AP3B2: variants seen among roughly 807,000 people sequenced by gnomAD.
AP3B2 encodes the protein adaptor related protein complex 3 subunit beta 2.
AP3B2 carries 50 observed loss-of-function variants against 126.9 expected under a neutral mutation model. The observed-to-expected ratio is 0.39, with a 90% CI of 0.31 to 0.50. The LOEUF (loss-of-function observed/expected upper bound fraction) is 0.50, where lower values mean the gene tolerates loss of function less well. Among genes scored for constraint, AP3B2 ranks in the 20% least tolerant of loss-of-function variants. The pLI, the probability that AP3B2 is intolerant of heterozygous loss-of-function variation, is 0.79. For missense variants in AP3B2, 1,177 were observed against 1,426.4 expected (o/e 0.83, Z 2.82); for synonymous variants, 541 against 565.0 (o/e 0.96, Z 0.60).
chr15:82,684,399 T>A (rs936519590), intron 4 of AP3B2, among the ~76,000 whole-genome samples: 1 of 152,206 alleles, frequency 6.6e-6, no homozygotes, highest in African/African-American at 2.4e-5. Flanking sequence ...CTAGCTTCCG[T>A]CTTTTCTTCT....
Position 82,704,149 on chromosome 15 carries a change from A to G in AP3B2, c.113+5445T>C, listed in dbSNP as rs1301994746. 2.0e-5 allele frequency among the ~76,000 whole-genome samples: 3 copies of G among 152,156 alleles called. No homozygotes were observed. The South Asian group carries it at 6.2e-4, about 32-fold the overall frequency. On this transcript the variant is annotated intron_variant, in intron 1 of 26. Transcript: ENST00000535359. ...TAGTATTTAGGCTCTTTTTCATCAA[A>G]TATAAAAACCCAGCCCAGTTCATGG...
In AP3B2 at chr15:82,680,465, A is replaced by G. The variant is rs1238526564; in HGVS notation, c.1055+7T>C. The G allele has an allele frequency of 4.0e-6, 6 of 1,486,230 alleles. No individual in the cohort carries two copies. Among genetic ancestry groups the G allele is most frequent in the African/African-American group, 2.8e-5 (2 of 70,972 alleles). 92.1% of individuals were successfully genotyped at this position (1,486,230 alleles called of 1,614,324 possible). A position where few individuals can be genotyped will look rare whatever the true frequency, so the allele number is the denominator to read the frequency against. On this transcript the variant is annotated splice_region_variant and intron_variant, in intron 8 of 26. Transcript: ENST00000535359. This position sits in a 1 kb window ranked among gnomAD's most constrained non-coding sequence, Gnocchi z 6.1. ...AGGGAGGGGGCGGGGCTGGGGGCGGAGCGCACCTGTGGCTGCGCAGCAGGC... is the reference window on the plus strand; with the variant it reads ...AGGGAGGGGGCGGGGCTGGGGGCGGGGCGCACCTGTGGCTGCGCAGCAGGC...
intron 1 of AP3B2, among the ~76,000 whole-genome samples, chr15:82,702,849 T>C (rs2048740893): frequency 6.6e-6 from 1 of 152,168 alleles, no homozygotes; most frequent in Non-Finnish European, 1.5e-5. Flanking sequence ...CTTTGCTTCA[T>C]GATAAAGATC....
chr15:82,678,544 A>C (rs2048280823), intron 10 of AP3B2, among the ~76,000 whole-genome samples: 1 of 151,984 alleles, frequency 6.6e-6, no homozygotes, highest in Admixed American at 6.6e-5. Context: ...TCCAGGCCCC[A>C]ATCCCACTCC....
Position 82,665,574 on chromosome 15 carries a change from G to C in AP3B2, c.1854C>G (p.Asp618Glu). 1 of 1,611,676 alleles carries C rather than the reference G, an allele frequency of 6.2e-7. No homozygotes were observed. ...GTGAGCCCAGCTGGAAGTGGTCCCG[G>C]TCTAGGGATAGGTTTAGAGGTCAGG... ...PAPVLESSFK[D>E]RDHFQLGSLS... Residue 618 changes from aspartate (D) to glutamate (E), a missense_variant and splice_region_variant, in exon 16 of 27, where the codon GAC becomes GAG. Physicochemically the swap from Asp to Glu is conservative, Grantham distance 45 (BLOSUM62 2). This residue lies in a region of AP3B2 where 308 missense variants were observed against 452.4 expected (regional missense o/e 0.68). Transcript: ENST00000535359. This position sits in a 1 kb window ranked among gnomAD's most constrained non-coding sequence, Gnocchi z 4.4.
chr15:82,680,024 T>C lies in AP3B2; in HGVS notation c.1110+151A>G, dbSNP rs1376509917. 1 of 1,160,108 alleles carries C rather than the reference T, an allele frequency of 8.6e-7. No individual in the cohort carries two copies. Among genetic ancestry groups the C allele is most frequent in the African/African-American group, 1.5e-5 (1 of 65,766 alleles). The allele number at this position is 1,160,108 out of a possible 1,614,324, so 71.9% of individuals were successfully genotyped here. A position where few individuals can be genotyped will look rare whatever the true frequency, so the allele number is the denominator to read the frequency against. ...GGATCCAGGCCCTGCTCCCTATCTG[T>C]ATTTGGAGCCTCCCCTGCCCCATCC... On this transcript the variant is annotated intron_variant, in intron 9 of 26. Coordinates refer to ENST00000535359, the MANE Select transcript of AP3B2 (RefSeq NM_001278512.2). This position sits in a 1 kb window ranked among gnomAD's most constrained non-coding sequence, Gnocchi z 6.1.
At position 82,664,679 on chromosome 15, in the gene AP3B2, A is replaced by T. The variant is rs1178756649; in HGVS notation, c.2137+156T>A. On this transcript the variant is annotated intron_variant, in intron 18 of 26. Coordinates refer to ENST00000535359, the MANE Select transcript of AP3B2 (RefSeq NM_001278512.2). This position sits in a 1 kb window ranked among gnomAD's most constrained non-coding sequence, Gnocchi z 4.5. Reference sequence around the variant, plus strand: ...TCCATGGATAGAAACCTGCACAAGCACACACACCTGGAACATGAATCCCTC... The same window carrying T: ...TCCATGGATAGAAACCTGCACAAGCTCACACACCTGGAACATGAATCCCTC... Among the ~76,000 whole-genome samples the T allele has an allele frequency of 6.6e-6, 1 of 152,198 alleles. No homozygotes were observed. The highest frequency in any genetic ancestry group is 1.5e-5 in the Non-Finnish European group (1 of 68,038).
At chr15:82,689,357 G>A (rs200531056) in intron 2 of AP3B2, 21 bp downstream of exon 2, 6 of 1,613,480 alleles carry the variant, frequency 3.7e-6, no homozygotes, top group East Asian at 4.5e-5. Context: ...CCGGAGGGAG[G>A]CCTCCTCCTT....
rs553020512 is a variant in AP3B2 at position 82,659,797 on chromosome 15, A to G, written c.3155+48T>C. 2.1e-5 allele frequency: 34 copies of G among 1,609,584 alleles called. No individual in the cohort carries two copies. In the African/African-American group the frequency reaches 2.4e-4, roughly 11 times the overall value. ...TCAGCAGCTGGGGCTCCTCCTTCAA[A>G]CCAGGGCCCCCATGCTCATCATTTC... is the stretch of plus-strand genomic sequence containing the variant. On this transcript the variant is annotated intron_variant, in intron 26 of 26. Coordinates refer to ENST00000535359, the MANE Select transcript of AP3B2 (RefSeq NM_001278512.2).
intron 1 of AP3B2, among the ~76,000 whole-genome samples, chr15:82,705,734 C>T (rs916498178): frequency 2.0e-5 from 3 of 152,166 alleles, no homozygotes; most frequent in African/African-American, 2.4e-5. Context: ...TGATCATGTC[C>T]GGCTAATCTC....
chr15:82,669,478 G>T (rs753384813), intron 14 of AP3B2, among the ~76,000 whole-genome samples: 7 of 152,090 alleles, frequency 4.6e-5, no homozygotes, highest in African/African-American at 7.2e-5. Context: ...CAGATCGTGA[G>T]ATCAAGAGAT....
In AP3B2 at chr15:82,663,613, C is replaced by T; in HGVS notation, c.2444G>A (p.Ser815Asn). The T allele has an allele frequency of 1.2e-6, 2 of 1,613,888 alleles. No homozygotes were observed. Among genetic ancestry groups the T allele is most frequent in the Non-Finnish European group, 8.5e-7 (1 of 1,179,842 alleles). ...PASWSRKTPPSSKSAPATKEI... is the reference protein window; with the variant it reads ...PASWSRKTPPNSKSAPATKEI... ...CTTGGTTGCAGGAGCACTTTTGCTG[C>T]TGGGAGGCTGAAAGAGAAAAATGGG... Residue 815 changes from serine (S) to asparagine (N), a missense_variant, in exon 21 of 27, where the codon AGC (serine) becomes AAC (asparagine). Around this residue, in one of 5 missense-constraint regions of AP3B2, gnomAD observed 587 missense variants for 571.3 expected, o/e 1.03. Transcript: ENST00000535359.
At position 82,666,873 on chromosome 15, in the gene AP3B2, G is replaced by A. The variant is rs1442353474; in HGVS notation, c.1726C>T (p.Arg576Cys). Residue 576 changes from arginine to cysteine, a missense_variant, in exon 15 of 27, where the codon CGC (arginine) becomes TGC (cysteine). Physicochemically the swap from Arg to Cys is radical, Grantham distance 180. Around this residue, in one of 5 missense-constraint regions of AP3B2, gnomAD observed 308 missense variants for 452.4 expected, o/e 0.68. Coordinates refer to ENST00000535359, the MANE Select transcript of AP3B2 (RefSeq NM_001278512.2). ...TGCCGGGTGAAGCGCGCCCGGTCGC[G>A]AATATCATAGTTCTGGTCATATTTG... Reference protein sequence around the residue: ...LAKYDQNYDIRDRARFTRQLI... With the variant: ...LAKYDQNYDICDRARFTRQLI... 3.7e-6 allele frequency: 6 copies of A among 1,613,960 alleles called. No homozygotes were observed. The highest frequency in any genetic ancestry group is 1.1e-5 in the South Asian group (1 of 91,074).
intron 1 of AP3B2, among the ~76,000 whole-genome samples, chr15:82,708,179 G>A (rs1272542829): frequency 6.6e-6 from 1 of 151,962 alleles, no homozygotes; most frequent in Non-Finnish European, 1.5e-5. Flanking sequence ...GGCTCATCCT[G>A]GCTCAAAAGC....
intron 1 of AP3B2, among the ~76,000 whole-genome samples, chr15:82,700,929 C>T (rs2048711383): frequency 6.6e-6 from 1 of 152,180 alleles, no homozygotes. Flanking sequence ...GGTGCCATCT[C>T]GGCTCACTGT....
rs1276269007 is a variant in AP3B2, at chr15:82,662,155, G to A, written c.2918+13C>T. The A allele has an allele frequency of 1.9e-6, 3 of 1,590,852 alleles. No individual in the cohort carries two copies. Among genetic ancestry groups the A allele is most frequent in the Non-Finnish European group, 8.6e-7 (1 of 1,167,556 alleles). ...GCCCATCCTCTCACCCCCACCTCGA[G>A]TTGGGCACATACCACAGCTGGAAGT... is the stretch of plus-strand genomic sequence containing the variant. On this transcript the variant is annotated intron_variant, in intron 24 of 26. Transcript: ENST00000535359.
Position 82,663,142 on chromosome 15 carries a change from G to A in AP3B2, c.2589C>T (p.Ser863=), listed in dbSNP as rs2151427979. 1.2e-6 allele frequency: 2 copies of A among 1,611,302 alleles called. No individual in the cohort carries two copies. Among genetic ancestry groups the A allele is most frequent in the Middle Eastern group, 2.0e-4 (1 of 4,962 alleles). The change falls in exon 22 of 27, where the codon TCC becomes TCT. Residue 863 remains serine, a synonymous_variant. Coordinates refer to ENST00000535359, the MANE Select transcript of AP3B2 (RefSeq NM_001278512.2). ...TCCCACTCACCGACGGTACCAGGGT[G>A]GAGTCTGTGAGTGTCAGGCCCTCCA... is the stretch of plus-strand genomic sequence containing the variant. ...ADLEGLTLTD[S]TLVPSLLSPV...
intron 1 of AP3B2, chr15:82,692,389 C>T (rs1010785812): frequency 4.0e-6 from 2 of 495,366 alleles, no homozygotes; most frequent in Non-Finnish European, 7.0e-6. Flanking sequence ...TCCCCGCAAT[C>T]CCCCCGCAGC....
chr15:82,676,420 T>C, intron 14 of AP3B2, 41 bp downstream of exon 14: 1 of 1,601,548 alleles, frequency 6.2e-7, no homozygotes, highest in South Asian at 1.1e-5. Flanking sequence ...AGGGAGTTTC[T>C]GGGGACCAGA....
Sources: allele counts gnomAD v4.1 joint callset (sites outside exome capture counted in the v4.1 genomes callset), GRCh38; gene constraint gnomAD v4.1.1; regional missense constraint gnomAD v4.1.1; non-coding constraint Gnocchi (gnomAD v3.1); transcripts MANE v1.5; gene names NCBI Gene and HGNC (gene_info 2026-07-23, HGNC 2026-07-21).